FNBP1: variants seen among roughly 807,000 people sequenced by gnomAD.
The protein encoded by FNBP1 is formin binding protein 1, also known as formin-binding protein 1.
FNBP1 carries 26 observed loss-of-function variants against 90.6 expected under a neutral mutation model. The ratio of observed to expected loss-of-function variants is 0.29; its 90% CI spans 0.21 to 0.40. The LOEUF is 0.40. Ranked by LOEUF, FNBP1 falls within the 10% of genes least tolerant of loss-of-function variation. The pLI is 1.00. For missense variants in FNBP1, 635 were observed against 768.0 expected (o/e 0.83, Z 2.05); for synonymous variants, 260 against 265.2 (o/e 0.98, Z 0.19).
intron 1 of FNBP1, among the ~76,000 whole-genome samples, chr9:130,024,761 TG>T (rs1215472038): frequency 6.6e-6 from 1 of 152,218 alleles, no homozygotes; most frequent in Non-Finnish European, 1.5e-5. Flanking sequence ...TGAATCTTTT[TG>T]GCAAATAAAG....
chr9:129,909,181 G>C (rs2038754262), intron 11 of FNBP1, 182 bp from the exon 12 acceptor site: 1 of 638,152 alleles, frequency 1.6e-6, no homozygotes, highest in East Asian at 2.8e-5. Context: ...AACTGCATAA[G>C]TCCCATAAAC....
At position 129,890,486 on chromosome 9, in the gene FNBP1, G is replaced by C. The variant is rs925813228; in HGVS notation, c.*53C>G. On this transcript the variant is annotated 3_prime_UTR_variant, in exon 17 of 17. Coordinates refer to ENST00000446176, the MANE Select transcript of FNBP1 (RefSeq NM_015033.3). The surrounding 1 kb of genome is among the most constrained non-coding windows in gnomAD (Gnocchi z 5.8). Reference sequence around the variant, plus strand: ...GGGCGCTGGAGGCCTGTGGGAACAAGCAGACGGAGGCTCCTCCAGGAAGGC... The same window carrying C: ...GGGCGCTGGAGGCCTGTGGGAACAACCAGACGGAGGCTCCTCCAGGAAGGC... 1 of 1,525,010 alleles carries C rather than the reference G, an allele frequency of 6.6e-7. No homozygotes were observed. 94.5% of individuals were successfully genotyped at this position (1,525,010 alleles called of 1,614,324 possible). A position where few individuals can be genotyped will look rare whatever the true frequency, so the allele number is the denominator to read the frequency against.
At position 129,889,399 on chromosome 9, in the gene FNBP1, G is replaced by C. The variant is rs2034929577; in HGVS notation, c.*1140C>G. On this transcript the variant is annotated 3_prime_UTR_variant, in exon 17 of 17. Coordinates refer to ENST00000446176, the MANE Select transcript of FNBP1 (RefSeq NM_015033.3). ...AGCCTGACCAACACGGTGAAACCCT[G>C]TCTCTACTAAAAATACAAACATTAG... 1 of 180,168 alleles carries C rather than the reference G, an allele frequency of 5.6e-6. No homozygotes were observed. The highest frequency in any genetic ancestry group is 1.2e-5 in the Non-Finnish European group (1 of 84,274). The allele number at this position is 180,168 out of a possible 1,614,324, so 11.2% of individuals were successfully genotyped here.
At chr9:130,048,918 C>A in the FNBP1 span, among the ~76,000 whole-genome samples, 1 of 151,642 alleles carries the variant, frequency 6.6e-6, no homozygotes, top group Non-Finnish European at 1.5e-5. Context: ...GTAGCTGGGA[C>A]TACAGGCGCC....
intron 12 of FNBP1, among the ~76,000 whole-genome samples, chr9:129,907,361 T>C (rs150326957): frequency 7.2e-5 from 11 of 152,232 alleles, no homozygotes; most frequent in South Asian, 4.1e-4. Flanking sequence ...GACACTTATG[T>C]GCCAGGCACG....
chr9:129,969,738 A>G (rs9299326), intron 4 of FNBP1, among the ~76,000 whole-genome samples: 114,603 of 151,458 alleles, frequency 0.76, 44,092 homozygotes, highest in East Asian at 0.9. Context: ...AGCCAGCCCT[A>G]TCCCTAAAAA....
At chr9:129,947,421 C>T (rs1448720997) in intron 6 of FNBP1, among the ~76,000 whole-genome samples, 1 of 131,398 alleles carries the variant, frequency 7.6e-6, no homozygotes, top group Admixed American at 7.7e-5. Flanking sequence ...GCCTGGGCAA[C>T]AAGAGTAAAA....
chr9:129,903,912 C>T (rs924491438), intron 12 of FNBP1, among the ~76,000 whole-genome samples: 4 of 152,174 alleles, frequency 2.6e-5, no homozygotes, highest in Non-Finnish European at 5.9e-5. Flanking sequence ...TGGCATGTCC[C>T]CTTAATCCCA....
At chr9:129,892,696 G>T (rs2035240575) in intron 16 of FNBP1, among the ~76,000 whole-genome samples, 1 of 152,130 alleles carries the variant, frequency 6.6e-6, no homozygotes, top group Non-Finnish European at 1.5e-5. Context: ...TATACTTTGG[G>T]TGGAAATGGA....
At chr9:129,905,483 T>C (rs2037846348) in intron 12 of FNBP1, among the ~76,000 whole-genome samples, 1 of 151,774 alleles carries the variant, frequency 6.6e-6, no homozygotes, top group African/African-American at 2.4e-5. Flanking sequence ...CTAATTTTTG[T>C]ATTTTTAGTA....
At chr9:129,993,862 C>T (rs1236261464) in intron 2 of FNBP1, among the ~76,000 whole-genome samples, 1 of 151,996 alleles carries the variant, frequency 6.6e-6, no homozygotes, top group East Asian at 1.9e-4. Context: ...TGACCTCAGG[C>T]AATCCGCCCA....
At chr9:129,906,812 GCT>G (rs1564287069) in intron 12 of FNBP1, among the ~76,000 whole-genome samples, 1 of 151,546 alleles carries the variant, frequency 6.6e-6, no homozygotes, top group African/African-American at 2.4e-5. Flanking sequence ...ACAGAGTCTC[GCT>G]CTGTTGCCAG....
At chr9:129,986,022 G>C (rs1025707029) in intron 2 of FNBP1, among the ~76,000 whole-genome samples, 1 of 146,246 alleles carries the variant, frequency 6.8e-6, no homozygotes, top group African/African-American at 2.5e-5. Context: ...TGTAATCCCA[G>C]CTACTTGGGA....
chr9:130,010,635 G>A (rs993767503), intron 1 of FNBP1, among the ~76,000 whole-genome samples: 2 of 152,072 alleles, frequency 1.3e-5, no homozygotes, highest in Non-Finnish European at 2.9e-5. Context: ...GAAAGCACCT[G>A]GCTTTTTGAT....
At chr9:129,952,640 C>T (rs531897626) in intron 6 of FNBP1, among the ~76,000 whole-genome samples, 1 of 152,264 alleles carries the variant, frequency 6.6e-6, no homozygotes, top group African/African-American at 2.4e-5. Flanking sequence ...ATCTGGTTTA[C>T]ATCAGGTAAA....
rs2034901951 is a variant in FNBP1 at position 129,889,051 on chromosome 9, G to A, written c.*1488C>T. On this transcript the variant is annotated 3_prime_UTR_variant, in exon 17 of 17. Coordinates refer to ENST00000446176, the MANE Select transcript of FNBP1 (RefSeq NM_015033.3). ...TCTTGACTGTTTCTGCACCAAATGA[G>A]AGGAGGGGCTGCTCTGCTCTAAGGC... is the stretch of plus-strand genomic sequence containing the variant. 5.4e-6 allele frequency: 1 copy of A among 184,060 alleles called. No individual in the cohort carries two copies. The allele number at this position is 184,060 out of a possible 1,614,324, so 11.4% of individuals were successfully genotyped here.
intron 1 of FNBP1, among the ~76,000 whole-genome samples, chr9:130,036,614 G>T (rs980759321): frequency 6.6e-6 from 1 of 152,178 alleles, no homozygotes; most frequent in African/African-American, 2.4e-5. Context: ...TCATGGAGAA[G>T]TAAGGATGGC....
At position 129,888,408 on chromosome 9, in the gene FNBP1, G is replaced by T. The variant is rs62637591; in HGVS notation, c.*2131C>A. 5.7e-3 allele frequency: 1,333 copies of T among 232,830 alleles called. 17 individuals carry two copies. Among genetic ancestry groups the T allele is most frequent in the African/African-American group, 0.028 (1,251 of 45,414 alleles). The allele number at this position is 232,830 out of a possible 1,614,324, so 14.4% of individuals were successfully genotyped here. A position where few individuals can be genotyped will look rare whatever the true frequency, so the allele number is the denominator to read the frequency against. ...GGGGAGCCCATTGTGGAGCTGTGGGGACTGCCACACTCACCATGCACCTGT... is the reference window on the plus strand; with the variant it reads ...GGGGAGCCCATTGTGGAGCTGTGGGTACTGCCACACTCACCATGCACCTGT... On this transcript the variant is annotated 3_prime_UTR_variant, in exon 17 of 17. Transcript: ENST00000446176.
chr9:129,979,466 T>G, intron 2 of FNBP1, 92 bp from the exon 3 acceptor site: 1 of 915,152 alleles, frequency 1.1e-6, no homozygotes, highest in Non-Finnish European at 1.7e-6. Context: ...TGTTACAAGT[T>G]TAAAACAAAC....
Sources: gnomAD v4.1 joint callset for allele counts (sites outside exome capture counted in the v4.1 genomes callset) on GRCh38, gnomAD v4.1.1 for gene constraint, Gnocchi (gnomAD v3.1) non-coding constraint, MANE v1.5 for transcripts, NCBI Gene and HGNC (gene_info 2026-07-23, HGNC 2026-07-21) for gene names.